TMED5: variants seen among roughly 807,000 people sequenced by gnomAD.
TMED5 encodes the protein transmembrane emp24 domain-containing protein 5.
Under a neutral mutation model 23.0 loss-of-function variants are expected in TMED5, and 27 were observed. The ratio of observed to expected loss-of-function variants is 1.17; its 90% CI spans 0.86 to 1.62. The LOEUF (loss-of-function observed/expected upper bound fraction) is 1.62, where lower values mean the gene tolerates loss of function less well. Among genes scored for constraint, TMED5 ranks in the 40% most tolerant of loss-of-function variants. The pLI is 0.00. For missense variants in TMED5, 248 were observed against 273.7 expected (o/e 0.91, Z 0.66); for synonymous variants, 97 against 100.8 (o/e 0.96, Z 0.23).
intron 1 of TMED5, among the ~76,000 whole-genome samples, chr1:93,168,611 G>A (rs1316161792): frequency 5.3e-5 from 8 of 152,262 alleles, no homozygotes; most frequent in African/African-American, 1.4e-4. Flanking sequence ...TGAGGCAGGC[G>A]GATCACGAGG....
intron 1 of TMED5, among the ~76,000 whole-genome samples, chr1:93,175,362 GTT>G (rs947284142): frequency 7.4e-6 from 1 of 135,988 alleles, no homozygotes; most frequent in African/African-American, 2.7e-5. Flanking sequence ...TTGAGTTTTT[GTT>G]TTTTTATATA....
intron 1 of TMED5, chr1:93,161,661 A>G (rs1648280435): frequency 1.3e-5 from 2 of 151,822 alleles, no homozygotes; most frequent in Non-Finnish European, 2.9e-5. Flanking sequence ...GTTCTCTCAC[A>G]CTCTCTCTTG....
chr1:93,171,452 G>A (rs1648732584), intron 1 of TMED5, among the ~76,000 whole-genome samples: 1 of 152,156 alleles, frequency 6.6e-6, no homozygotes, highest in African/African-American at 2.4e-5. Context: ...CCACAAATTT[G>A]AAAACTTAGA....
chr1:93,179,957 A>G (rs1649238463), intron 1 of TMED5, 97 bp downstream of exon 1: 8 of 1,345,538 alleles, frequency 5.9e-6, no homozygotes, highest in Non-Finnish European at 7.1e-6. Flanking sequence ...CCTCTTCACC[A>G]CCAGGGCCGT....
rs1378282033 is a variant in TMED5, at chr1:93,180,215, G to A, written c.28C>T (p.Pro10Ser). The change falls in exon 1 of 4, where the codon CCC becomes TCC. Residue 10 changes from proline (P) to serine (S), a missense_variant. Coordinates refer to ENST00000370282, the MANE Select transcript of TMED5 (RefSeq NM_016040.5). MGDKIWLPF[P>S]VLLLAALPPV... The stretch of plus-strand genomic sequence containing the variant: ...GGCAGAGCGGCCAGAAGGAGCACGG[G>A]GAAGGGCAGCCAGATCTTGTCGCCC... 6 of 1,612,624 alleles carry A rather than the reference G, an allele frequency of 3.7e-6. No homozygotes were observed. In the East Asian group the frequency reaches 6.7e-5, roughly 18 times the overall value.
chr1:93,157,446 A>G (rs1311509306), intron 2 of TMED5, among the ~76,000 whole-genome samples: 2 of 152,226 alleles, frequency 1.3e-5, no homozygotes, highest in Non-Finnish European at 1.5e-5. Flanking sequence ...AGTTAAAAGC[A>G]GGGCCAGGTG....
chr1:93,155,304 C>G (rs1387589183), intron 3 of TMED5, among the ~76,000 whole-genome samples: 1 of 152,112 alleles, frequency 6.6e-6, no homozygotes, highest in Non-Finnish European at 1.5e-5. Context: ...CTGCACAATT[C>G]AATTAAAGGG....
chr1:93,156,042 G>A, intron 3 of TMED5: 2 of 1,454,988 alleles, frequency 1.4e-6, no homozygotes, highest in South Asian at 1.5e-5. Context: ...TTACCAAGAT[G>A]CAGTCTTATT....
At chr1:93,164,405 A>G (rs1177447420) in intron 1 of TMED5, among the ~76,000 whole-genome samples, 1 of 152,176 alleles carries the variant, frequency 6.6e-6, no homozygotes, top group East Asian at 1.9e-4. Flanking sequence ...GGAACTAAGA[A>G]CTATGCATAA....
chr1:93,169,498 G>A (rs183013246), intron 1 of TMED5, among the ~76,000 whole-genome samples: 97 of 151,626 alleles, frequency 6.4e-4, no homozygotes, highest in Non-Finnish European at 1.2e-3. Context: ...ATCCACCTTA[G>A]GAAGCCAGAG....
chr1:93,168,862 A>T (rs1341377129), intron 1 of TMED5, among the ~76,000 whole-genome samples: 1 of 152,196 alleles, frequency 6.6e-6, no homozygotes, highest in Non-Finnish European at 1.5e-5. Context: ...GCGGGCGGGC[A>T]TTACCTATAA....
intron 1 of TMED5, among the ~76,000 whole-genome samples, chr1:93,169,686 A>G (rs970203013): frequency 6.6e-6 from 1 of 152,100 alleles, no homozygotes; most frequent in East Asian, 1.9e-4. Flanking sequence ...GAAAAAAAAG[A>G]GAAAAGACAC....
chr1:93,168,925 A>G (rs1318750806), intron 1 of TMED5, among the ~76,000 whole-genome samples: 1 of 152,250 alleles, frequency 6.6e-6, no homozygotes, highest in Non-Finnish European at 1.5e-5. Flanking sequence ...TATACACCTA[A>G]CAACAATGTA....
Position 93,179,834 on chromosome 1 carries a change from G to A in TMED5, c.189+220C>T, listed in dbSNP as rs541696254. The A allele has an allele frequency of 6.7e-4, 351 of 524,306 alleles. No homozygotes were observed. The African/African-American group carries it at 6.8e-3, about 10-fold the overall frequency. 32.5% of individuals were successfully genotyped at this position (524,306 alleles called of 1,614,324 possible). On this transcript the variant is annotated intron_variant, in intron 1 of 3. Transcript: ENST00000370282. ...CCCACCGGAGGAAAGGGGAGAAGGC[G>A]GGTAGTCATCAATTCCAGGTCCAGC...
At position 93,165,371 on chromosome 1, in the gene TMED5, T is replaced by G. The variant is rs1040306206; in HGVS notation, c.190-5145A>C. On this transcript the variant is annotated intron_variant, in intron 1 of 3. Transcript: ENST00000370282. The stretch of plus-strand genomic sequence containing the variant: ...TTTTTTAATCTAATAAATAGATCAT[T>G]GTTCAAAGTAATAATAGCAACAATG... Among the ~76,000 whole-genome samples, 6 of 152,286 alleles carry G rather than the reference T, an allele frequency of 3.9e-5. No individual in the cohort carries two copies. In the South Asian group the frequency reaches 1.2e-3, roughly 32 times the overall value.
chr1:93,163,629 C>T (rs1321920701), intron 1 of TMED5, among the ~76,000 whole-genome samples: 1 of 151,222 alleles, frequency 6.6e-6, no homozygotes, highest in East Asian at 2.0e-4. Flanking sequence ...AGGTGTGAGC[C>T]ACTGTGCCTG....
intron 1 of TMED5, among the ~76,000 whole-genome samples, chr1:93,178,279 A>G (rs1036717410): frequency 1.1e-4 from 16 of 152,220 alleles, no homozygotes; most frequent in African/African-American, 3.9e-4. Context: ...CAGTACTTGT[A>G]GTGTCCACTA....
intron 1 of TMED5, among the ~76,000 whole-genome samples, chr1:93,178,929 T>C (rs1649076083): frequency 6.6e-6 from 1 of 152,214 alleles, no homozygotes; most frequent in Admixed American, 6.5e-5. Context: ...ATCAATGCCT[T>C]TTCTTTCCCC....
In TMED5 at chr1:93,180,297, C is replaced by T; in HGVS notation, c.-55G>A. ...GGCGTCAGGTACTGTTGTCTCCGCT[C>T]CGCGTTTCCTCTCTGGACTCCTCGT... On this transcript the variant is annotated 5_prime_UTR_variant, in exon 1 of 4. Coordinates refer to ENST00000370282, the MANE Select transcript of TMED5 (RefSeq NM_016040.5). The T allele has an allele frequency of 6.5e-7, 1 of 1,534,518 alleles. No individual in the cohort carries two copies. Among genetic ancestry groups the T allele is most frequent in the Non-Finnish European group, 8.7e-7 (1 of 1,143,198 alleles).
Sources: gnomAD v4.1 joint callset for allele counts (sites outside exome capture counted in the v4.1 genomes callset) on GRCh38, gnomAD v4.1.1 for gene constraint, MANE v1.5 for transcripts, NCBI Gene and HGNC (gene_info 2026-07-23, HGNC 2026-07-21) for gene names.